Variants in TRPS1 observed in about 807,000 individuals in gnomAD.
The protein encoded by TRPS1 is zinc finger transcription factor Trps1.
TRPS1 carries 6 observed loss-of-function variants against 101.2 expected under a neutral mutation model. The ratio of observed to expected loss-of-function variants is 0.06; its 90% confidence interval spans 0.03 to 0.12. The LOEUF (loss-of-function observed/expected upper bound fraction) is 0.12, where lower values mean the gene tolerates loss of function less well. TRPS1 is among the 10% of genes least tolerant of loss of function. The pLI is 1.00. For synonymous variants in TRPS1, 578 were observed against 589.8 expected, an observed-to-expected ratio of 0.98 and a Z score of 0.29; for missense variants, 1,363 against 1,567.0, an observed-to-expected ratio of 0.87 and a Z score of 2.20.
intron 5 of TRPS1, among the ~76,000 whole-genome samples, chr8:115,528,386 C>A (rs1232146749): frequency 6.6e-6 from 1 of 152,064 alleles, no homozygotes; most frequent in Non-Finnish European, 1.5e-5. Context: ...TTAATCCTCA[C>A]AGCAGCACTC....
intron 5 of TRPS1, among the ~76,000 whole-genome samples, chr8:115,528,149 C>A (rs1816045363): frequency 6.6e-6 from 1 of 151,980 alleles, no homozygotes; most frequent in African/African-American, 2.4e-5. Flanking sequence ...ACTGATACAA[C>A]CTTTCTGGGA....
chr8:115,472,272 C>T (rs1814490895), intron 5 of TRPS1, among the ~76,000 whole-genome samples: 1 of 152,208 alleles, frequency 6.6e-6, no homozygotes, highest in South Asian at 2.1e-4. Flanking sequence ...TTCTGTGAAC[C>T]TTCAGGCCCA....
chr8:115,515,338 T>A (rs1052919543), intron 5 of TRPS1: 1 of 684,034 alleles, frequency 1.5e-6, no homozygotes, highest in African/African-American at 1.8e-5. Context: ...GCTCACTATT[T>A]AATGTGGAAA....
intron 4 of TRPS1, among the ~76,000 whole-genome samples, chr8:115,598,034 T>A (rs1817826612): frequency 6.6e-6 from 1 of 152,192 alleles, no homozygotes; most frequent in African/African-American, 2.4e-5. Flanking sequence ...ACTTTTGATA[T>A]CTACAATTTT....
chr8:115,597,540 A>G lies in TRPS1; in HGVS notation c.2096+6333T>C, dbSNP rs140214663. On this transcript the variant is annotated intron_variant, in intron 4 of 6. Coordinates refer to ENST00000395715, the MANE Select transcript of TRPS1 (RefSeq NM_014112.5). ...GCTTCAAAAGCATGTACATTCTCTA[A>G]TTGTTTGGTACAGAATTTGTATATT... Among the ~76,000 whole-genome samples the G allele has an allele frequency of 6.9e-3, 1,045 of 152,148 alleles. 17 individuals carry two copies. The highest frequency in any genetic ancestry group is 0.024 in the African/African-American group (996 of 41,534).
chr8:115,524,214 G>A (rs943713066), intron 5 of TRPS1, among the ~76,000 whole-genome samples: 4 of 151,344 alleles, frequency 2.6e-5, no homozygotes, highest in Admixed American at 6.6e-5. Flanking sequence ...TTTATTGTCT[G>A]CTCTTCAGCA....
chr8:115,587,387 G>T lies in TRPS1; in HGVS notation c.2314C>A (p.Pro772Thr), dbSNP rs781117130. The T allele has an allele frequency of 1.9e-6, 3 of 1,614,044 alleles. No individual in the cohort carries two copies. In the Admixed American group the frequency reaches 5.0e-5, roughly 27 times the overall value. Residue 772 changes from proline to threonine, a missense_variant, in exon 5 of 7, where the codon CCA becomes ACA. Physicochemically the swap from Pro to Thr is conservative, Grantham distance 38 (BLOSUM62 -1). Transcript: ENST00000395715. ...LLTPDSKMGE[P>T]VSESVVKREK... ...CTCTTCACCACACTCTCAGAAACTG[G>T]CTCTCCCATTTTAGAGTCTGGAGTT...
At chr8:115,548,491 C>T (rs1254136405) in intron 5 of TRPS1, among the ~76,000 whole-genome samples, 3 of 152,072 alleles carry the variant, frequency 2.0e-5, no homozygotes, top group Middle Eastern at 3.4e-3. Flanking sequence ...GTGCCCCGCC[C>T]GCCACCACGC....
intron 3 of TRPS1, among the ~76,000 whole-genome samples, chr8:115,617,503 G>C (rs1818299347): frequency 6.6e-6 from 1 of 152,114 alleles, no homozygotes; most frequent in African/African-American, 2.4e-5. Context: ...CCAAACTATA[G>C]GCCTTAGTAA....
intron 1 of TRPS1, among the ~76,000 whole-genome samples, chr8:115,632,806 G>C (rs1288601993): frequency 1.3e-5 from 2 of 152,116 alleles, no homozygotes; most frequent in South Asian, 4.1e-4. Context: ...TAGCAGTCAG[G>C]AGAGTGACTG....
chr8:115,556,443 G>A lies in TRPS1; in HGVS notation c.2700+30558C>T, dbSNP rs991730453. Among the ~76,000 whole-genome samples the A allele has an allele frequency of 6.4e-4, 98 of 152,002 alleles. 1 individual carries two copies. Among genetic ancestry groups the A allele is most frequent in the African/African-American group, 2.2e-3 (93 of 41,464 alleles). On this transcript the variant is annotated intron_variant, in intron 5 of 6. Transcript: ENST00000395715. The stretch of plus-strand genomic sequence containing the variant: ...GACTGACCCTAGCTTTAAATCTCTC[G>A]GAGTCAACTGTACAGGTCTTGAAAA...
At chr8:115,487,358 T>C in intron 5 of TRPS1, among the ~76,000 whole-genome samples, 1 of 152,092 alleles carries the variant, frequency 6.6e-6, no homozygotes, top group East Asian at 1.9e-4. Flanking sequence ...GTGTTTTTTT[T>C]CATTCCTGCA....
intron 5 of TRPS1, among the ~76,000 whole-genome samples, chr8:115,476,655 T>A (rs1814614339): frequency 6.6e-6 from 1 of 152,214 alleles, no homozygotes; most frequent in Non-Finnish European, 1.5e-5. Context: ...GAAATTTGGT[T>A]TCTGCCTAAC....
intron 5 of TRPS1, among the ~76,000 whole-genome samples, chr8:115,584,366 T>A (rs1009476835): frequency 1.3e-5 from 2 of 152,036 alleles, no homozygotes; most frequent in Non-Finnish European, 2.9e-5. Context: ...TAGTTTACAT[T>A]TCTTAAATTG....
chr8:115,666,735 G>A (rs191015853), intron 1 of TRPS1, among the ~76,000 whole-genome samples: 148 of 152,324 alleles, frequency 9.7e-4, no homozygotes, highest in South Asian at 2.5e-3. Flanking sequence ...TTGTTGGAAG[G>A]TTCCTATTTT....
chr8:115,596,042 T>C (rs924414558), intron 4 of TRPS1, among the ~76,000 whole-genome samples: 1 of 151,964 alleles, frequency 6.6e-6, no homozygotes, highest in African/African-American at 2.4e-5. Context: ...AAATGTAAGA[T>C]AGAGATTGAG....
intron 3 of TRPS1, among the ~76,000 whole-genome samples, chr8:115,615,244 T>C (rs1818251391): frequency 6.6e-6 from 1 of 152,164 alleles, no homozygotes; most frequent in South Asian, 2.1e-4. Context: ...GCAACATATA[T>C]ATCATAAGCA....
At chr8:115,450,374 T>C (rs916573223) in intron 5 of TRPS1, among the ~76,000 whole-genome samples, 4 of 152,194 alleles carry the variant, frequency 2.6e-5, no homozygotes, top group African/African-American at 7.2e-5. Flanking sequence ...CCATCTTAAA[T>C]GCTTTGAACA....
At chr8:115,576,668 C>A (rs1281010069) in intron 5 of TRPS1, among the ~76,000 whole-genome samples, 1 of 152,036 alleles carries the variant, frequency 6.6e-6, no homozygotes, top group Non-Finnish European at 1.5e-5. Context: ...TCTAATTTTA[C>A]CAGAAAATAA....
Sources: allele counts gnomAD v4.1 joint callset (sites outside exome capture counted in the v4.1 genomes callset), GRCh38; gene constraint gnomAD v4.1.1; transcripts MANE v1.5; gene names NCBI Gene and HGNC (gene_info 2026-07-23, HGNC 2026-07-21).